NKAIN3: variants seen among roughly 807,000 people sequenced by gnomAD.
The protein encoded by NKAIN3 is sodium/potassium-transporting ATPase subunit beta-1-interacting protein 3.
A neutral mutation model predicts 30.2 loss-of-function variants in NKAIN3; 25 were observed. The observed-to-expected ratio is 0.83, with a 90% CI of 0.60 to 1.16. NKAIN3 has a LOEUF of 1.16. NKAIN3 is among the 50% of genes most tolerant of loss of function. NKAIN3 has a pLI of 0.00. For synonymous variants in NKAIN3, 91 were observed against 89.6 expected (o/e 1.02, Z -0.09); for missense variants, 225 against 254.1 (o/e 0.89, Z 0.78).
In NKAIN3 at chr8:62,992,450, T is replaced by C. The variant is rs77829391; in HGVS notation, c.533-6781T>C. Among the ~76,000 whole-genome samples, 671 of 152,220 alleles carry C rather than the reference T, an allele frequency of 4.4e-3. 14 individuals are homozygous for C. The highest frequency in any genetic ancestry group is 0.015 in the African/African-American group (606 of 41,450). On this transcript the variant is annotated intron_variant, in intron 5 of 5. Coordinates refer to the NKAIN3 transcript ENST00000519049. The stretch of plus-strand genomic sequence containing the variant: ...CTCCATATTTTTGAATCAGTGAAAC[T>C]TCCCAGGGCCTGAGTTCTCTTGCCT...
At chr8:62,778,038 C>G (rs925123631) in intron 4 of NKAIN3, among the ~76,000 whole-genome samples, 17 of 152,092 alleles carry the variant, frequency 1.1e-4, no homozygotes, top group African/African-American at 3.1e-4. Context: ...ATTCTCTTCC[C>G]TTACTTTCCC....
At chr8:62,891,214 C>A (rs1490917251) in intron 4 of NKAIN3, among the ~76,000 whole-genome samples, 1 of 152,150 alleles carries the variant, frequency 6.6e-6, no homozygotes, top group Non-Finnish European at 1.5e-5. Context: ...AGCACGGCTG[C>A]AATAAAGCAG....
chr8:62,402,673 G>T (rs1440896998), intron 1 of NKAIN3, among the ~76,000 whole-genome samples: 1 of 152,146 alleles, frequency 6.6e-6, no homozygotes, highest in Non-Finnish European at 1.5e-5. Flanking sequence ...ATGGTTATAA[G>T]TTTCCTGAGG....
intron 4 of NKAIN3, among the ~76,000 whole-genome samples, chr8:62,776,923 G>A (rs966286240): frequency 2.0e-5 from 3 of 152,044 alleles, no homozygotes; most frequent in Non-Finnish European, 4.4e-5. Flanking sequence ...GCTTTTGTCT[G>A]AGAAAGTCTT....
intron 3 of NKAIN3, among the ~76,000 whole-genome samples, chr8:62,714,709 A>G (rs1814834137): frequency 6.6e-6 from 1 of 152,226 alleles, no homozygotes; most frequent in African/African-American, 2.4e-5. Flanking sequence ...GAGCCTCACT[A>G]CAAGTATGAA....
chr8:62,703,353 A>G (rs888065021), intron 3 of NKAIN3, among the ~76,000 whole-genome samples: 2 of 152,130 alleles, frequency 1.3e-5, no homozygotes, highest in African/African-American at 4.8e-5. Flanking sequence ...TTTAAGATCA[A>G]CAGAACATTT....
chr8:62,436,649 A>G (rs907486674), intron 1 of NKAIN3, among the ~76,000 whole-genome samples: 5 of 152,152 alleles, frequency 3.3e-5, no homozygotes, highest in African/African-American at 1.2e-4. Context: ...CTTTTTCAGA[A>G]AGCCTAGTTT....
chr8:62,909,065 T>A (rs1821861022), intron 4 of NKAIN3, among the ~76,000 whole-genome samples: 1 of 152,182 alleles, frequency 6.6e-6, no homozygotes, highest in Non-Finnish European at 1.5e-5. Context: ...GACACATGAT[T>A]TCAGGGATGA....
chr8:62,502,167 T>C lies in NKAIN3; in HGVS notation c.55-77372T>C, dbSNP rs370616397. Among the ~76,000 whole-genome samples, 39 of 152,282 alleles carry C rather than the reference T, an allele frequency of 2.6e-4. No homozygotes were observed. The South Asian group carries it at 7.9e-3, about 31-fold the overall frequency. On this transcript the variant is annotated intron_variant, in intron 1 of 6. Transcript: ENST00000623646. The stretch of plus-strand genomic sequence containing the variant: ...TCTCATAAATTCATTCCTCCCTCTC[T>C]ACTGCGTTCTTGTACTCAATCAAGC...
chr8:62,659,735 C>T (rs1027580312), intron 3 of NKAIN3, among the ~76,000 whole-genome samples: 3 of 152,138 alleles, frequency 2.0e-5, no homozygotes, highest in Non-Finnish European at 4.4e-5. Context: ...CCACCCAGGT[C>T]TCATCTTGAA....
At chr8:62,322,452 A>G (rs1039543738) in intron 1 of NKAIN3, among the ~76,000 whole-genome samples, 1 of 148,624 alleles carries the variant, frequency 6.7e-6, no homozygotes, top group Non-Finnish European at 1.5e-5. Flanking sequence ...AGCTGTTGCT[A>G]TTCAGCATCT....
chr8:62,847,685 T>C (rs1366311444), intron 4 of NKAIN3, among the ~76,000 whole-genome samples: 1 of 152,216 alleles, frequency 6.6e-6, no homozygotes, highest in Admixed American at 6.5e-5. Context: ...TTTAGTTTAA[T>C]TAGACCCCAT....
intron 1 of NKAIN3, among the ~76,000 whole-genome samples, chr8:62,464,295 C>T (rs927650768): frequency 1.2e-4 from 18 of 152,158 alleles, no homozygotes; most frequent in African/African-American, 4.3e-4. Flanking sequence ...ACTCAGAAAG[C>T]TGGTGCCATC....
At chr8:62,580,069 A>G (rs1810243481) in intron 2 of NKAIN3, among the ~76,000 whole-genome samples, 2 of 152,208 alleles carry the variant, frequency 1.3e-5, no homozygotes, top group Admixed American at 1.3e-4. Flanking sequence ...AACTCCAAAA[A>G]ACAAATCTTT....
chr8:62,326,384 TATG>T (rs202023191), intron 1 of NKAIN3, among the ~76,000 whole-genome samples: 2,977 of 151,952 alleles, frequency 0.02, 96 homozygotes, highest in African/African-American at 0.066. Context: ...ATTTGTTACT[TATG>T]ATTTTGTTAC....
intron 4 of NKAIN3, among the ~76,000 whole-genome samples, chr8:62,804,219 T>C (rs1373521119): frequency 6.6e-6 from 1 of 152,190 alleles, no homozygotes; most frequent in Non-Finnish European, 1.5e-5. Context: ...TCTGAAACTA[T>C]TCCAATCAAT....
intron 1 of NKAIN3, among the ~76,000 whole-genome samples, chr8:62,332,693 C>G (rs978659455): frequency 6.6e-6 from 1 of 152,098 alleles, no homozygotes; most frequent in African/African-American, 2.4e-5. Context: ...ATTCTGTTCT[C>G]TATTGAATGC....
At chr8:62,589,892 TG>T in intron 3 of NKAIN3, 98 bp downstream of exon 3, 1 of 473,380 alleles carries the variant, frequency 2.1e-6, no homozygotes, top group South Asian at 3.8e-5. Flanking sequence ...TGTGTGTGTG[TG>T]TGTGTGTGTG....
chr8:62,541,449 C>T (rs1053752217), intron 1 of NKAIN3, among the ~76,000 whole-genome samples: 25 of 152,182 alleles, frequency 1.6e-4, no homozygotes, highest in Admixed American at 4.6e-4. Context: ...TTTGTATCCA[C>T]TGTTCTGAAA....
Sources: gnomAD v4.1 joint callset for allele counts (sites outside exome capture counted in the v4.1 genomes callset) on GRCh38, gnomAD v4.1.1 for gene constraint, MANE v1.5 for transcripts, NCBI Gene and HGNC (gene_info 2026-07-23, HGNC 2026-07-21) for gene names.